ABTB2: variants seen among roughly 807,000 people sequenced by gnomAD.
The protein encoded by ABTB2 is ankyrin repeat and BTB domain containing 2, also known as ankyrin repeat and BTB/POZ domain-containing protein 2.
ABTB2 carries 56 observed loss-of-function variants against 104.1 expected under a neutral mutation model. The ratio of observed to expected loss-of-function variants is 0.54; its 90% CI spans 0.43 to 0.67. ABTB2 has a LOEUF of 0.67. Ranked by LOEUF, ABTB2 falls within the 30% of genes least tolerant of loss-of-function variation. The pLI, the probability that ABTB2 is intolerant of heterozygous loss-of-function variation, is 0.00. For missense variants in ABTB2, 1,279 were observed against 1,407.7 expected, an observed-to-expected ratio of 0.91 and a Z score of 1.46; for synonymous variants, 606 against 608.2, an observed-to-expected ratio of 1.00 and a Z score of 0.05.
At chr11:34,315,669 G>A (rs1854918959) in intron 1 of ABTB2, among the ~76,000 whole-genome samples, 1 of 152,182 alleles carries the variant, frequency 6.6e-6, no homozygotes. Context: ...GGGAGAGAAG[G>A]GCACATTCTG....
At chr11:34,164,884 GA>G in intron 8 of ABTB2, 63 bp from the exon 9 acceptor site, 2 of 1,548,146 alleles carry the variant, frequency 1.3e-6, no homozygotes, top group East Asian at 2.4e-5. Flanking sequence ...CAGCTGAGGC[GA>G]AAGGGAAGGG....
chr11:34,232,834 G>T (rs1184160501), intron 1 of ABTB2, among the ~76,000 whole-genome samples: 2 of 151,982 alleles, frequency 1.3e-5, no homozygotes, highest in Admixed American at 1.3e-4. Context: ...TTAGCCAGGC[G>T]TAATGGTCCC....
chr11:34,163,456 G>A (rs564110460), intron 9 of ABTB2, among the ~76,000 whole-genome samples: 24 of 152,318 alleles, frequency 1.6e-4, no homozygotes, highest in African/African-American at 5.3e-4. Context: ...ACACATCACC[G>A]TCATAGGCGA....
intron 3 of ABTB2, among the ~76,000 whole-genome samples, chr11:34,194,483 C>G (rs1380549853): frequency 6.6e-6 from 1 of 152,230 alleles, no homozygotes; most frequent in South Asian, 2.1e-4. Flanking sequence ...GGAACCCTAG[C>G]AAACTCCAGC....
chr11:34,329,973 T>C (rs1163362758), intron 1 of ABTB2, among the ~76,000 whole-genome samples: 2 of 152,184 alleles, frequency 1.3e-5, no homozygotes, highest in African/African-American at 2.4e-5. Context: ...CTCCGTCCCA[T>C]CTCTGTGCCC....
At chr11:34,318,668 T>C (rs1854968307) in intron 1 of ABTB2, among the ~76,000 whole-genome samples, 1 of 152,202 alleles carries the variant, frequency 6.6e-6, no homozygotes, top group South Asian at 2.1e-4. Flanking sequence ...GTGGTTTTAC[T>C]AGACTGTGAA....
At chr11:34,211,122 G>T (rs1853475765) in intron 1 of ABTB2, among the ~76,000 whole-genome samples, 1 of 152,094 alleles carries the variant, frequency 6.6e-6, no homozygotes, top group Non-Finnish European at 1.5e-5. Context: ...CTTTTTGTTT[G>T]TTTTGAGACG....
At chr11:34,212,848 A>G (rs894875181) in intron 1 of ABTB2, among the ~76,000 whole-genome samples, 19 of 152,220 alleles carry the variant, frequency 1.2e-4, no homozygotes, top group African/African-American at 4.6e-4. Context: ...GGGGCCCAGG[A>G]GCTCACTGTT....
chr11:34,321,091 A>T (rs1854996029), intron 1 of ABTB2, among the ~76,000 whole-genome samples: 1 of 152,204 alleles, frequency 6.6e-6, no homozygotes, highest in Non-Finnish European at 1.5e-5. Flanking sequence ...CTGAGGTGGG[A>T]GAATCGCTTG....
At chr11:34,283,151 C>T (rs531636655) in intron 1 of ABTB2, among the ~76,000 whole-genome samples, 1 of 151,144 alleles carries the variant, frequency 6.6e-6, no homozygotes, top group East Asian at 2.0e-4. Context: ...ATCTCCTGAC[C>T]TCGTGATCCG....
intron 1 of ABTB2, among the ~76,000 whole-genome samples, chr11:34,215,344 G>A (rs1853538021): frequency 6.6e-6 from 1 of 152,192 alleles, no homozygotes; most frequent in Admixed American, 6.5e-5. Flanking sequence ...GATCAAAAGG[G>A]CACAAACACA....
intron 1 of ABTB2, among the ~76,000 whole-genome samples, chr11:34,312,884 G>T: frequency 6.6e-6 from 1 of 152,130 alleles, no homozygotes; most frequent in African/African-American, 2.4e-5. Flanking sequence ...CATTTTATAG[G>T]AGAAATCGCC....
At chr11:34,337,536 G>A (rs935592329) in intron 1 of ABTB2, among the ~76,000 whole-genome samples, 37 of 152,224 alleles carry the variant, frequency 2.4e-4, no homozygotes, top group African/African-American at 8.7e-4. Context: ...CATGGAAAAC[G>A]TGGGCTTTGA....
chr11:34,295,182 CTTAAAAA>C (rs1366439263), intron 1 of ABTB2, among the ~76,000 whole-genome samples: 1 of 151,868 alleles, frequency 6.6e-6, no homozygotes, highest in Non-Finnish European at 1.5e-5. Flanking sequence ...AGATCCTATC[CTTAAAAA>C]TTAAAAATAA....
intron 1 of ABTB2, among the ~76,000 whole-genome samples, chr11:34,210,200 C>T (rs1853464702): frequency 6.6e-6 from 1 of 152,134 alleles, no homozygotes; most frequent in Admixed American, 6.5e-5. Context: ...GATTTCATTC[C>T]CTTCTCTGTA....
intron 4 of ABTB2, among the ~76,000 whole-genome samples, chr11:34,171,435 C>T (rs1251728228): frequency 2.0e-5 from 3 of 152,012 alleles, no homozygotes; most frequent in South Asian, 2.1e-4. Context: ...ATTAGCCAGG[C>T]GTGGTAGCAT....
intron 1 of ABTB2, among the ~76,000 whole-genome samples, chr11:34,230,426 A>G (rs1053644756): frequency 6.6e-6 from 1 of 152,162 alleles, no homozygotes. Context: ...GGGGCCAACA[A>G]TACCTAAAAT....
intron 1 of ABTB2, among the ~76,000 whole-genome samples, chr11:34,320,904 C>T (rs1413825872): frequency 6.6e-6 from 1 of 152,168 alleles, no homozygotes; most frequent in East Asian, 1.9e-4. Context: ...TTTTACTGGC[C>T]AAGTGCGGTG....
chr11:34,334,009 C>T (rs1216881579), intron 1 of ABTB2, among the ~76,000 whole-genome samples: 1 of 124,158 alleles, frequency 8.1e-6, no homozygotes, highest in Non-Finnish European at 1.8e-5. Flanking sequence ...GGAAGGGAGC[C>T]ACAGGTGAAA....
Sources: gnomAD v4.1 joint callset for allele counts (sites outside exome capture counted in the v4.1 genomes callset) on GRCh38, gnomAD v4.1.1 for gene constraint, MANE v1.5 for transcripts, NCBI Gene and HGNC (gene_info 2026-07-23, HGNC 2026-07-21) for gene names.